Variants in RTEL1 observed in about 807,000 individuals in gnomAD.
The protein encoded by RTEL1 is regulator of telomere length.
RTEL1 carries 86 observed loss-of-function variants against 162.2 expected under a neutral mutation model. The observed-to-expected ratio is 0.53, with a 90% confidence interval of 0.45 to 0.63. RTEL1 has a LOEUF of 0.63. Ranked by LOEUF, RTEL1 falls within the 30% of genes least tolerant of loss-of-function variation. The pLI is 0.00. For missense variants in RTEL1, 1,941 were observed against 1,750.2 expected, an observed-to-expected ratio of 1.11 and a Z score of -1.95; for synonymous variants, 958 against 717.9, an observed-to-expected ratio of 1.33 and a Z score of -5.35.
chr20:63,667,061 G>T (rs146155802), intron 7 of RTEL1, among the ~76,000 whole-genome samples: 1 of 149,508 alleles, frequency 6.7e-6, no homozygotes, highest in Non-Finnish European at 1.5e-5. Flanking sequence ...GGATGGTCTC[G>T]ATCTTCTGAC....
chr20:63,689,464 C>G (rs749732593), intron 22 of RTEL1, 38 bp from the exon 23 acceptor site: 32 of 1,491,498 alleles, frequency 2.1e-5, no homozygotes, highest in Non-Finnish European at 2.9e-5. Context: ...GGAGAGGAGC[C>G]CCCACGGCCC....
chr20:63,674,188 C>G, intron 10 of RTEL1, 95 bp downstream of exon 10: 1 of 1,481,926 alleles, frequency 6.7e-7, no homozygotes, highest in Non-Finnish European at 8.9e-7. Flanking sequence ...AGCCCAGGTG[C>G]GTTCATAGCC....
rs146662746 is a variant in RTEL1 at position 63,692,900 on chromosome 20, C to T, written c.2748C>T (p.Thr916=). The change falls in exon 29 of 35, where the codon ACC becomes ACT. Residue 916 remains threonine (T), a synonymous_variant. Transcript: ENST00000360203. The part of the protein sequence containing the change: ...ELSQANFATF[T]QALQDYKGSD... ...GCCAAGCCAACTTTGCCACCTTCACCCAGGCCCTGCAGGACTACAAGGGTT... is the reference window on the plus strand; with the variant it reads ...GCCAAGCCAACTTTGCCACCTTCACTCAGGCCCTGCAGGACTACAAGGGTT... 11 of 1,612,544 alleles carry T rather than the reference C, an allele frequency of 6.8e-6. No individual in the cohort carries two copies. The African/African-American group carries it at 1.3e-4, about 20-fold the overall frequency.
chr20:63,690,080 C>T lies in RTEL1; in HGVS notation c.2142-7C>T, dbSNP rs879582201. On this transcript the variant is annotated splice_polypyrimidine_tract_variant and splice_region_variant and intron_variant, in intron 24 of 34. Transcript: ENST00000360203. ...GGCAGGGCAGCAGGGCTATGGCCAC[C>T]CCCCAGGTTCGCCTTTGCCGACGCA... 1.9e-6 allele frequency: 3 copies of T among 1,609,932 alleles called. No homozygotes were observed. The highest frequency in any genetic ancestry group is 1.1e-5 in the South Asian group (1 of 91,038).
Position 63,692,920 on chromosome 20 carries a change from A to AG in RTEL1, c.2771dup (p.Ser925PhefsTer3). On this transcript the variant is annotated frameshift_variant, in exon 29 of 35. Transcript: ENST00000360203. LOFTEE classifies it high-confidence loss of function. ...TTCACCCAGGCCCTGCAGGACTACA[A>AG]GGGTTCCGATGACTTCGCCGCCCTG... is the stretch of plus-strand genomic sequence containing the variant. The AG allele has an allele frequency of 1.2e-6, 2 of 1,612,672 alleles. No homozygotes were observed. The highest frequency in any genetic ancestry group is 1.7e-6 in the Non-Finnish European group (2 of 1,179,860).
In RTEL1 at chr20:63,695,192, C is replaced by A. The variant is rs1255758303; in HGVS notation, c.3470C>A (p.Pro1157His). ...CAGGAGGAGAGGCTTGCCGTGCCTCCTGTGCTTACCCACAGGGCTCCCCAA... is the reference window on the plus strand; with the variant it reads ...CAGGAGGAGAGGCTTGCCGTGCCTCATGTGCTTACCCACAGGGCTCCCCAA... ...GPQEERLAVP[P>H]VLTHRAPQPG... The change falls in exon 33 of 35, where the codon CCT becomes CAT. Residue 1157 changes from proline to histidine, a missense_variant. Transcript: ENST00000360203. 3 of 1,612,116 alleles carry A rather than the reference C, an allele frequency of 1.9e-6. No individual in the cohort carries two copies. The highest frequency in any genetic ancestry group is 1.7e-6 in the Non-Finnish European group (2 of 1,179,812).
At position 63,659,334 on chromosome 20, in the gene RTEL1, G is replaced by T; in HGVS notation, c.-69G>T. 8.6e-7 allele frequency: 1 copy of T among 1,166,554 alleles called. No individual in the cohort carries two copies. The highest frequency in any genetic ancestry group is 1.7e-5 in the Admixed American group (1 of 57,658). 72.3% of individuals were successfully genotyped at this position (1,166,554 alleles called of 1,614,324 possible). A position where few individuals can be genotyped will look rare whatever the true frequency, so the allele number is the denominator to read the frequency against. ...CCGAGACCCTAAGATGTTCGGAGTG[G>T]TTTTTTCGCACAGACCCGAATAGCC... is the stretch of plus-strand genomic sequence containing the variant. On this transcript the variant is annotated 5_prime_UTR_variant, in exon 2 of 35. Coordinates refer to ENST00000360203, the MANE Select transcript of RTEL1 (RefSeq NM_001283009.2).
intron 14 of RTEL1, chr20:63,681,507 C>G (rs1264132662): frequency 1.0e-6 from 1 of 984,900 alleles, no homozygotes; most frequent in African/African-American, 1.8e-5. Context: ...CAGGGCTGCC[C>G]AGCGCTATGA....
At chr20:63,692,614 G>A (rs541883451) in intron 28 of RTEL1, 191 bp from the exon 29 acceptor site, 7 of 609,026 alleles carry the variant, frequency 1.1e-5, no homozygotes, top group Admixed American at 2.8e-5. Flanking sequence ...GACCTCAGAC[G>A]GGCCCAGCCC....
At position 63,668,099 on chromosome 20, in the gene RTEL1, A is replaced by C. The variant is rs1252196111; in HGVS notation, c.699+546A>C. Among the ~76,000 whole-genome samples, 3 of 88,194 alleles carry C rather than the reference A, an allele frequency of 3.4e-5. No homozygotes were observed. The highest frequency in any genetic ancestry group is 4.7e-5 in the Non-Finnish European group (2 of 42,470). 57.9% of individuals were successfully genotyped at this position (88,194 alleles called of 152,430 possible). On this transcript the variant is annotated intron_variant, in intron 8 of 34. Transcript: ENST00000360203. The surrounding 1 kb of genome is among the most constrained non-coding windows in gnomAD (Gnocchi z 4.3). The stretch of plus-strand genomic sequence containing the variant: ...CCACTCCCTTCCGCCCCGTGTGCCC[A>C]GCCCCACGCTCACTCCCCCCGCCAG...
Position 63,694,863 on chromosome 20 carries a change from C to T in RTEL1, c.3232C>T (p.Gln1078Ter). The change falls in exon 32 of 35, where the codon CAA becomes TAA. Residue 1078 changes from glutamine to a stop codon, truncating the protein, a stop_gained. Coordinates refer to ENST00000360203, the MANE Select transcript of RTEL1 (RefSeq NM_001283009.2). LOFTEE classifies it high-confidence loss of function. ...RRALGSAGCS[Q>*]LLAALTAYKQ... ...GGCCCTGGGGTCCGCGGGCTGTAGCCAACTCTTGGCAGCGCTGACAGCCTA... is the reference window on the plus strand; with the variant it reads ...GGCCCTGGGGTCCGCGGGCTGTAGCTAACTCTTGGCAGCGCTGACAGCCTA... 1.2e-6 allele frequency: 2 copies of T among 1,612,654 alleles called. No individual in the cohort carries two copies. Among genetic ancestry groups the T allele is most frequent in the Non-Finnish European group, 1.7e-6 (2 of 1,179,868 alleles).
chr20:63,688,524 A>G lies in RTEL1; in HGVS notation c.1723-4A>G. On this transcript the variant is annotated splice_region_variant and splice_polypyrimidine_tract_variant and intron_variant, in intron 20 of 34. Transcript: ENST00000360203. ...TGCCGTGTCCCTGCCTCTTCCTCCC[A>G]CAGGCCCGCGACTTGGCCAGGAAGA... The G allele has an allele frequency of 6.2e-7, 1 of 1,609,858 alleles. No homozygotes were observed. Among genetic ancestry groups the G allele is most frequent in the South Asian group, 1.1e-5 (1 of 90,708 alleles).
chr20:63,695,028 A>T, intron 32 of RTEL1, 38 bp from the exon 33 acceptor site: 1 of 1,609,638 alleles, frequency 6.2e-7, no homozygotes, highest in Non-Finnish European at 8.5e-7. Context: ...AGGGGACAAA[A>T]TGGGGGCTGT....
At chr20:63,659,038 A>C (rs560586343) in intron 1 of RTEL1, among the ~76,000 whole-genome samples, 195 bp from the exon 2 acceptor site, 2 of 152,316 alleles carry the variant, frequency 1.3e-5, no homozygotes, top group East Asian at 1.9e-4. Context: ...TTTCCAGAGA[A>C]GGACGGAGTT....
At chr20:63,665,303 A>G (rs73920931) in intron 6 of RTEL1, 12,869 of 152,454 alleles carry the variant, frequency 0.084, 599 homozygotes, top group African/African-American at 0.11. Flanking sequence ...TAGAAGAGGT[A>G]TCTGGTTCTG....
intron 29 of RTEL1, 27 bp downstream of exon 29, chr20:63,693,030 C>A (rs149619729): frequency 1.2e-6 from 2 of 1,611,328 alleles, no homozygotes; most frequent in East Asian, 2.2e-5. Context: ...AGGCCACCCA[C>A]CCTGAGGGCA....
At chr20:63,685,699 G>A in intron 15 of RTEL1, 92 bp from the exon 16 acceptor site, 1 of 1,582,900 alleles carries the variant, frequency 6.3e-7, no homozygotes, top group Non-Finnish European at 8.6e-7. Context: ...CCAGGAGGCA[G>A]GTGGGGCTGG....
intron 9 of RTEL1, 109 bp from the exon 10 acceptor site, chr20:63,673,831 A>C: frequency 2.4e-6 from 3 of 1,275,760 alleles, no homozygotes. Flanking sequence ...AGGCTTTGGG[A>C]ACTTGGCTGT....
At position 63,668,199 on chromosome 20, in the gene RTEL1, C is replaced by T. The variant is rs1318210156; in HGVS notation, c.699+646C>T. 6.6e-6 allele frequency among the ~76,000 whole-genome samples: 1 copy of T among 152,198 alleles called. No homozygotes were observed. The highest frequency in any genetic ancestry group is 1.5e-5 in the Non-Finnish European group (1 of 68,052). ...CCCTGCTGCCCTCCTCCCCATGTGC[C>T]CTGCTTTTGTGCCCCACACTTTTTA... On this transcript the variant is annotated intron_variant, in intron 8 of 34. Transcript: ENST00000360203. The surrounding 1 kb of genome is among the most constrained non-coding windows in gnomAD (Gnocchi z 4.3).
Sources: allele counts gnomAD v4.1 joint callset (sites outside exome capture counted in the v4.1 genomes callset), GRCh38; gene constraint gnomAD v4.1.1; non-coding constraint Gnocchi (gnomAD v3.1); transcripts MANE v1.5; gene names NCBI Gene and HGNC (gene_info 2026-07-23, HGNC 2026-07-21).